Variants in CHUK observed in about 807,000 individuals in gnomAD.
The protein encoded by CHUK is inhibitor of nuclear factor kappa-B kinase subunit alpha.
In CHUK, 35 loss-of-function variants were observed where a neutral mutation model predicts 104.8. The ratio of observed to expected loss-of-function variants is 0.33; its 90% CI spans 0.26 to 0.44. The LOEUF is 0.44. Among genes scored for constraint, CHUK ranks in the 20% least tolerant of loss-of-function variants. The pLI is 1.00. For missense variants in CHUK, 663 were observed against 902.7 expected (o/e 0.73, Z 3.40); for synonymous variants, 276 against 291.9 (o/e 0.95, Z 0.56).
chr10:100,188,710 G>A lies in CHUK; in HGVS notation c.*888C>T, dbSNP rs1845128114. 2 of 152,144 alleles carry A rather than the reference G, an allele frequency of 1.3e-5. No homozygotes were observed. Among genetic ancestry groups the A allele is most frequent in the South Asian group, 4.1e-4 (2 of 4,836 alleles). 9.4% of individuals were successfully genotyped at this position (152,144 alleles called of 1,614,324 possible). A position where few individuals can be genotyped will look rare whatever the true frequency, so the allele number is the denominator to read the frequency against. ...ATTAGATTGCAAGCAAATGAATTTT[G>A]TCACCAAGCTTATGGAAACCTTGTT... On this transcript the variant is annotated 3_prime_UTR_variant, in exon 21 of 21. Coordinates refer to ENST00000370397, the MANE Select transcript of CHUK (RefSeq NM_001278.5).
At chr10:100,227,276 C>T (rs17878976) in intron 1 of CHUK, among the ~76,000 whole-genome samples, 401 of 152,254 alleles carry the variant, frequency 2.6e-3, no homozygotes, top group Non-Finnish European at 4.7e-3. Flanking sequence ...ACAAAAAAGT[C>T]GGAATATTCT....
chr10:100,203,631 G>A (rs1362147600), intron 13 of CHUK, among the ~76,000 whole-genome samples: 5 of 151,986 alleles, frequency 3.3e-5, no homozygotes, highest in Admixed American at 3.3e-4. Flanking sequence ...AGAAATGCTG[G>A]TAGTATGACT....
At chr10:100,224,525 C>T (rs963145547) in intron 2 of CHUK, among the ~76,000 whole-genome samples, 1 of 152,058 alleles carries the variant, frequency 6.6e-6, no homozygotes, top group African/African-American at 2.4e-5. Flanking sequence ...CAACCTCCGC[C>T]TCCCGGGTTC....
intron 16 of CHUK, among the ~76,000 whole-genome samples, chr10:100,199,576 C>T (rs1240499226): frequency 1.3e-5 from 2 of 152,220 alleles, no homozygotes; most frequent in Non-Finnish European, 2.9e-5. Context: ...ATCCACCCAC[C>T]TTGGCCTCCC....
At chr10:100,193,858 G>T in intron 18 of CHUK, 126 bp downstream of exon 18, 1 of 810,252 alleles carries the variant, frequency 1.2e-6, no homozygotes, top group Non-Finnish European at 2.1e-6. Context: ...CAAGGAACAT[G>T]GATGTCATCC....
In CHUK at chr10:100,211,715, T is replaced by C. The variant is rs17885941; in HGVS notation, c.934-1926A>G. ...TCCACTGTGTATATATACCACTTTT[T>C]CCCTATCCATTCATCTGTCAAAGGA... On this transcript the variant is annotated intron_variant, in intron 9 of 20. Coordinates refer to ENST00000370397, the MANE Select transcript of CHUK (RefSeq NM_001278.5). Among the ~76,000 whole-genome samples, 807 of 152,344 alleles carry C rather than the reference T, an allele frequency of 5.3e-3. 6 individuals are homozygous for C. The highest frequency in any genetic ancestry group is 0.017 in the African/African-American group (702 of 41,588).
intron 9 of CHUK, among the ~76,000 whole-genome samples, chr10:100,214,936 T>C (rs1289065538): frequency 1.3e-5 from 2 of 152,084 alleles, no homozygotes; most frequent in Non-Finnish European, 2.9e-5. Flanking sequence ...AGGAAATCTA[T>C]AGAGGTAGAT....
In CHUK at chr10:100,218,708, A is replaced by G; in HGVS notation, c.797+10T>C. The G allele has an allele frequency of 6.3e-7, 1 of 1,579,912 alleles. No homozygotes were observed. Among genetic ancestry groups the G allele is most frequent in the Non-Finnish European group, 8.7e-7 (1 of 1,148,922 alleles). On this transcript the variant is annotated intron_variant, in intron 8 of 20. Coordinates refer to ENST00000370397, the MANE Select transcript of CHUK (RefSeq NM_001278.5). ...ACTGAGGCAAACTTCCTTAACTAAA[A>G]TATACTTACCTACAAAGGCTATTTG...
intron 9 of CHUK, among the ~76,000 whole-genome samples, chr10:100,213,577 A>G (rs1845785268): frequency 6.6e-6 from 1 of 152,094 alleles, no homozygotes; most frequent in African/African-American, 2.4e-5. Context: ...GCTGGAGTGC[A>G]GTGGTGCGAT....
At chr10:100,194,601 CCTGAAACT>C in intron 16 of CHUK, 80 bp from the exon 17 acceptor site, 1 of 836,344 alleles carries the variant, frequency 1.2e-6, no homozygotes, top group South Asian at 1.5e-5. Context: ...CTCAAAAATC[CCTGAAACT>C]CTGAAACTAA....
chr10:100,218,811 T>C lies in CHUK; in HGVS notation c.704A>G (p.Lys235Arg). The C allele has an allele frequency of 6.2e-7, 1 of 1,613,460 alleles. No individual in the cohort carries two copies. The highest frequency in any genetic ancestry group is 8.5e-7 in the Non-Finnish European group (1 of 1,179,484). Residue 235 changes from lysine (K) to arginine (R), a missense_variant, in exon 8 of 21, where the codon AAG becomes AGG. By Grantham distance (26) the Lys-to-Arg change is conservative. Transcript: ENST00000370397. ...AAATATACACTTTGGATCCTTCTTCTTAATCTTCTCATGCCTATAAAATCA... is the reference window on the plus strand; with the variant it reads ...AAATATACACTTTGGATCCTTCTTCCTAATCTTCTCATGCCTATAAAATCA... Reference protein sequence around the residue: ...LQPFTWHEKIKKKDPKCIFAC... With the variant: ...LQPFTWHEKIRKKDPKCIFAC...
At chr10:100,219,445 A>G (rs1845936909) in intron 5 of CHUK, 86 bp from the exon 6 acceptor site, 2 of 816,978 alleles carry the variant, frequency 2.4e-6, no homozygotes, top group Admixed American at 3.8e-5. Flanking sequence ...GGCTGTAGAC[A>G]GGGTAGTGGT....
chr10:100,206,930 C>T (rs1489071790), intron 11 of CHUK, among the ~76,000 whole-genome samples: 1 of 152,172 alleles, frequency 6.6e-6, no homozygotes, highest in Admixed American at 6.5e-5. Flanking sequence ...CATGCTTAGA[C>T]TATGAAGAGA....
chr10:100,206,757 A>G (rs1407910770), intron 11 of CHUK, among the ~76,000 whole-genome samples: 1 of 152,240 alleles, frequency 6.6e-6, no homozygotes, highest in Non-Finnish European at 1.5e-5. Flanking sequence ...CCTCTGCTCA[A>G]TTTTGTTCTT....
intron 2 of CHUK, among the ~76,000 whole-genome samples, chr10:100,225,648 A>G (rs905257594): frequency 1.3e-5 from 2 of 152,138 alleles, no homozygotes; most frequent in African/African-American, 4.8e-5. Context: ...TGGTAATTCT[A>G]TTTTTAATTT....
intron 9 of CHUK, among the ~76,000 whole-genome samples, chr10:100,211,064 G>A (rs17112737): frequency 0.076 from 11,594 of 152,212 alleles, 789 homozygotes; most frequent in African/African-American, 0.18. Flanking sequence ...ACAAAGGTAA[G>A]GCATTAATCC....
intron 2 of CHUK, among the ~76,000 whole-genome samples, chr10:100,225,332 T>C (rs1846081258): frequency 6.6e-6 from 1 of 152,246 alleles, no homozygotes; most frequent in African/African-American, 2.4e-5. Context: ...GTACCACACA[T>C]AAGTGGAATG....
At chr10:100,193,670 GA>G (rs914089486) in intron 18 of CHUK, 221 of 534,342 alleles carry the variant, frequency 4.1e-4, no homozygotes, top group East Asian at 7.5e-4. Context: ...GTTGAAGAAA[GA>G]AAAAAAAAAC....
Position 100,218,098 on chromosome 10 carries a change from T to C in CHUK, c.830A>G (p.Gln277Arg). The stretch of plus-strand genomic sequence containing the variant: ...CTGAGGGTCCCAATTCAACATCAAC[T>C]GTAGCCAGTTTTCCATGGGTTCTAC... ...LVVEPMENWL[Q>R]LMLNWDPQQR... Residue 277 changes from glutamine to arginine, a missense_variant, in exon 9 of 21, where the codon CAG becomes CGG. Physicochemically the swap from Gln to Arg is conservative, Grantham distance 43. Transcript: ENST00000370397. The C allele has an allele frequency of 6.2e-7, 1 of 1,612,886 alleles. No individual in the cohort carries two copies. The highest frequency in any genetic ancestry group is 8.5e-7 in the Non-Finnish European group (1 of 1,178,888).
Sources: allele counts gnomAD v4.1 joint callset (sites outside exome capture counted in the v4.1 genomes callset), GRCh38; gene constraint gnomAD v4.1.1; transcripts MANE v1.5; gene names NCBI Gene and HGNC (gene_info 2026-07-23, HGNC 2026-07-21).